DYM: variants seen among roughly 807,000 people sequenced by gnomAD.
The protein encoded by DYM is dyggve-Melchior-Clausen syndrome protein.
DYM carries 78 observed loss-of-function variants against 93.1 expected under a neutral mutation model. The ratio of observed to expected loss-of-function variants is 0.84; its 90% CI spans 0.70 to 1.01. The LOEUF (loss-of-function observed/expected upper bound fraction) is 1.01. DYM is among the 50% of genes least tolerant of loss of function. DYM has a pLI of 0.00. For missense variants in DYM, 789 were observed against 845.0 expected (o/e 0.93, Z 0.82); for synonymous variants, 321 against 319.7 (o/e 1.00, Z -0.04).
chr18:49,378,511 T>C (rs2067725307), intron 5 of DYM, 56 bp downstream of exon 5: 1 of 1,504,150 alleles, frequency 6.6e-7, no homozygotes, highest in African/African-American at 1.4e-5. Context: ...TCCTGAAATT[T>C]TATCCTTAAA....
At chr18:49,102,175 T>C (rs1375505228) in intron 16 of DYM, among the ~76,000 whole-genome samples, 5 of 152,224 alleles carry the variant, frequency 3.3e-5, no homozygotes, top group Admixed American at 3.3e-4. Flanking sequence ...ACACACCTAA[T>C]AACAGTAAGA....
intron 13 of DYM, among the ~76,000 whole-genome samples, chr18:49,235,839 C>G (rs1413274414): frequency 1.3e-5 from 2 of 150,522 alleles, no homozygotes; most frequent in African/African-American, 2.4e-5. Flanking sequence ...AATATTCACT[C>G]AATTTTGTAA....
intron 2 of DYM, among the ~76,000 whole-genome samples, chr18:49,405,374 T>C (rs1299939281): frequency 1.3e-5 from 2 of 152,264 alleles, no homozygotes; most frequent in Non-Finnish European, 2.9e-5. Context: ...TCCTACACTC[T>C]GTGTTCTTGC....
intron 14 of DYM, among the ~76,000 whole-genome samples, chr18:49,196,818 T>A (rs2091497709): frequency 1.3e-5 from 2 of 151,914 alleles, no homozygotes; most frequent in African/African-American, 2.4e-5. Flanking sequence ...GCTTGCTGGA[T>A]CGGGAATTAG....
intron 6 of DYM, among the ~76,000 whole-genome samples, chr18:49,348,234 C>G (rs1330496044): frequency 6.6e-6 from 1 of 152,160 alleles, no homozygotes; most frequent in African/African-American, 2.4e-5. Context: ...TTAATAAAAA[C>G]AACTGACAAG....
intron 8 of DYM, among the ~76,000 whole-genome samples, chr18:49,312,867 A>C (rs2061684005): frequency 6.6e-6 from 1 of 152,192 alleles, no homozygotes; most frequent in South Asian, 2.1e-4. Context: ...TTTCTGAGAC[A>C]GCAAAGGTAG....
chr18:49,258,151 T>A (rs2094424518), intron 12 of DYM, among the ~76,000 whole-genome samples: 1 of 152,238 alleles, frequency 6.6e-6, no homozygotes, highest in African/African-American at 2.4e-5. Context: ...TCTAAATGTT[T>A]TGCATTGCTT....
intron 13 of DYM, among the ~76,000 whole-genome samples, chr18:49,253,949 G>A (rs1568109708): frequency 6.6e-6 from 1 of 151,808 alleles, no homozygotes; most frequent in African/African-American, 2.4e-5. Flanking sequence ...TTTCTTTCAG[G>A]CCTCTCACCT....
intron 17 of DYM, among the ~76,000 whole-genome samples, chr18:49,074,435 G>C (rs763032458): frequency 6.6e-6 from 1 of 152,124 alleles, no homozygotes; most frequent in Non-Finnish European, 1.5e-5. Flanking sequence ...TCTATGGCGG[G>C]TGTTTTGGGG....
At chr18:49,088,427 G>T (rs1232220790) in intron 17 of DYM, among the ~76,000 whole-genome samples, 1 of 151,910 alleles carries the variant, frequency 6.6e-6, no homozygotes, top group Non-Finnish European at 1.5e-5. Context: ...AGGGGGAGGG[G>T]GAAGGGATAG....
At chr18:49,156,898 T>C (rs894466535) in intron 15 of DYM, among the ~76,000 whole-genome samples, 1 of 151,948 alleles carries the variant, frequency 6.6e-6, no homozygotes, top group Non-Finnish European at 1.5e-5. Context: ...ATCTGGCCAG[T>C]CTCTGCCTCA....
intron 6 of DYM, among the ~76,000 whole-genome samples, chr18:49,359,388 G>T (rs2065835380): frequency 2.0e-5 from 3 of 152,090 alleles, no homozygotes; most frequent in African/African-American, 7.2e-5. Flanking sequence ...TTTTAATGAA[G>T]ATTAGTACCT....
intron 17 of DYM, among the ~76,000 whole-genome samples, chr18:49,086,721 G>C (rs533132119): frequency 6.6e-6 from 1 of 152,066 alleles, no homozygotes; most frequent in Admixed American, 6.6e-5. Flanking sequence ...GGCTGGGCGC[G>C]GTGGCTCTGT....
At chr18:49,280,889 T>C (rs1395297860) in intron 10 of DYM, among the ~76,000 whole-genome samples, 1 of 152,188 alleles carries the variant, frequency 6.6e-6, no homozygotes, top group South Asian at 2.1e-4. Context: ...GACATAGGCA[T>C]AGGCAAGGAC....
chr18:49,327,817 T>C (rs1452474572), intron 8 of DYM, among the ~76,000 whole-genome samples: 1 of 152,176 alleles, frequency 6.6e-6, no homozygotes, highest in African/African-American at 2.4e-5. Context: ...TTCACATCTA[T>C]CTTGAGTATG....
chr18:49,349,282 G>T (rs1433335401), intron 6 of DYM, among the ~76,000 whole-genome samples: 2 of 151,934 alleles, frequency 1.3e-5, no homozygotes, highest in Non-Finnish European at 2.9e-5. Context: ...ATACTATACT[G>T]TATATGCAAA....
intron 1 of DYM, among the ~76,000 whole-genome samples, chr18:49,445,085 T>A (rs2148649018): frequency 6.6e-6 from 1 of 152,314 alleles, no homozygotes; most frequent in East Asian, 1.9e-4. Flanking sequence ...ATTATTAGTA[T>A]CGCATTTTGA....
intron 8 of DYM, among the ~76,000 whole-genome samples, chr18:49,303,861 G>C (rs896930653): frequency 6.6e-6 from 1 of 152,064 alleles, no homozygotes; most frequent in African/African-American, 2.4e-5. Context: ...TCATATACAT[G>C]GGGGGAAAAT....
chr18:49,072,494 A>G (rs1268299624), intron 17 of DYM, among the ~76,000 whole-genome samples: 1 of 152,208 alleles, frequency 6.6e-6, no homozygotes, highest in East Asian at 1.9e-4. Flanking sequence ...GAGTTCTCAA[A>G]CCCTTGTATT....
Sources: gnomAD v4.1 joint callset for allele counts (sites outside exome capture counted in the v4.1 genomes callset) on GRCh38, gnomAD v4.1.1 for gene constraint, MANE v1.5 for transcripts, NCBI Gene and HGNC (gene_info 2026-07-23, HGNC 2026-07-21) for gene names.